LAMA2: variants seen among roughly 807,000 people sequenced by gnomAD.
The protein encoded by LAMA2 is laminin subunit alpha 2, also known as laminin subunit alpha-2.
LAMA2 carries 269 observed loss-of-function variants against 364.8 expected under a neutral mutation model. That is an observed-to-expected ratio of 0.74 (90% CI 0.67 to 0.82). The LOEUF (loss-of-function observed/expected upper bound fraction) is 0.82, where lower values mean the gene tolerates loss of function less well. Ranked by LOEUF, LAMA2 falls within the 40% of genes least tolerant of loss-of-function variation. The pLI is 0.00. For synonymous variants in LAMA2, 1,379 were observed against 1,370.6 expected (o/e 1.01, Z -0.14); for missense variants, 3,807 against 3,873.2 (o/e 0.98, Z 0.45).
At chr6:129,326,651 T>C (rs1775304369) in intron 28 of LAMA2, among the ~76,000 whole-genome samples, 1 of 149,118 alleles carries the variant, frequency 6.7e-6, no homozygotes, top group East Asian at 1.9e-4. Context: ...GTAACACACA[T>C]GCATGCACCT....
intron 3 of LAMA2, among the ~76,000 whole-genome samples, chr6:129,088,907 G>A (rs1181797239): frequency 2.6e-5 from 4 of 152,198 alleles, no homozygotes; most frequent in Admixed American, 6.5e-5. Flanking sequence ...CTTCCCAGAC[G>A]GGGTGGCGGC....
At chr6:129,258,366 T>C (rs1372690203) in intron 14 of LAMA2, among the ~76,000 whole-genome samples, 1 of 152,066 alleles carries the variant, frequency 6.6e-6, no homozygotes, top group African/African-American at 2.4e-5. Context: ...AACTGATGAA[T>C]GAATAAACAA....
In LAMA2 at chr6:129,391,518, A is replaced by G. The variant is rs1235384256; in HGVS notation, c.5099A>G (p.Asn1700Ser). 1.9e-6 allele frequency: 3 copies of G among 1,613,802 alleles called. No individual in the cohort carries two copies. Among genetic ancestry groups the G allele is most frequent in the Non-Finnish European group, 2.5e-6 (3 of 1,179,886 alleles). ...GTAAATGAAAAAGCTATAAAACTAA[A>G]TGAAACTCTAGGAACTCGAGACGAG... ...EAVNEKAIKL[N>S]ETLGTRDEAF... The change falls in exon 36 of 65, where the codon AAT becomes AGT. Residue 1700 changes from asparagine to serine, a missense_variant. Coordinates refer to ENST00000421865, the MANE Select transcript of LAMA2 (RefSeq NM_000426.4).
intron 1 of LAMA2, among the ~76,000 whole-genome samples, chr6:128,957,102 T>G (rs557714619): frequency 1.3e-5 from 2 of 152,290 alleles, no homozygotes; most frequent in South Asian, 4.1e-4. Context: ...TTTGCCTTTA[T>G]TCTGTCAATA....
At chr6:129,061,662 G>A (rs569927897) in intron 3 of LAMA2, among the ~76,000 whole-genome samples, 32 of 152,212 alleles carry the variant, frequency 2.1e-4, no homozygotes, top group South Asian at 4.2e-4. Flanking sequence ...TGGATTTGTC[G>A]TTCTGTTTTC....
At chr6:129,188,910 A>G (rs964270696) in intron 10 of LAMA2, among the ~76,000 whole-genome samples, 1 of 151,920 alleles carries the variant, frequency 6.6e-6, no homozygotes, top group African/African-American at 2.4e-5. Context: ...TATCATCCCT[A>G]TCTTCTGCTC....
intron 9 of LAMA2, among the ~76,000 whole-genome samples, chr6:129,169,999 C>A (rs1481905850): frequency 4.0e-5 from 6 of 149,772 alleles, no homozygotes; most frequent in African/African-American, 1.5e-4. Flanking sequence ...CTGTGGGATC[C>A]GTGGTGATAT....
chr6:129,072,412 C>T (rs374778196), intron 3 of LAMA2, among the ~76,000 whole-genome samples: 4 of 151,770 alleles, frequency 2.6e-5, no homozygotes, highest in East Asian at 3.9e-4. Context: ...TCTGTGTTTG[C>T]GTGATATAGG....
intron 1 of LAMA2, among the ~76,000 whole-genome samples, chr6:128,924,951 G>T (rs1295976362): frequency 6.6e-6 from 1 of 152,116 alleles, no homozygotes; most frequent in African/African-American, 2.4e-5. Flanking sequence ...TATTTCGGTT[G>T]TAAAAAATTC....
At chr6:129,131,108 A>G (rs1021371964) in intron 4 of LAMA2, among the ~76,000 whole-genome samples, 13 of 152,202 alleles carry the variant, frequency 8.5e-5, no homozygotes, top group African/African-American at 3.1e-4. Context: ...AATAATTGAA[A>G]ACAACCCTGA....
chr6:128,929,044 C>A, intron 1 of LAMA2: 1 of 1,441,280 alleles, frequency 6.9e-7, no homozygotes, highest in South Asian at 1.1e-5. Flanking sequence ...CAATGGTATC[C>A]TCTAGCTGTG....
At chr6:129,115,932 G>A (rs1776451892) in intron 4 of LAMA2, among the ~76,000 whole-genome samples, 1 of 152,116 alleles carries the variant, frequency 6.6e-6, no homozygotes, top group African/African-American at 2.4e-5. Context: ...GTTGCAGAAA[G>A]CAACTTACAA....
rs3062342 is a variant in LAMA2, at chr6:129,314,398, C to CAAAAAAAAAAAAAAAAAAAAAAAAAAAA, written c.3412-236_3412-235insAAAAAAAAAAAAAAAAAAAAAAAAAAAA. Among the ~76,000 whole-genome samples the CAAAAAAAAAAAAAAAAAAAAAAAAAAAA allele has an allele frequency of 3.2e-4, 26 of 81,866 alleles. 1 individual carries two copies. The highest frequency in any genetic ancestry group is 1.0e-3 in the South Asian group (2 of 1,942). The allele number at this position is 81,866 out of a possible 152,430, so 53.7% of individuals were successfully genotyped here. A position where few individuals can be genotyped will look rare whatever the true frequency, so the allele number is the denominator to read the frequency against. ...TGGGCGAAAGAGCGAGACTCCGTCT[C>CAAAAAAAAAAAAAAAAAAAAAAAAAAAA]AAAAAAAAAAAAAAAAAAAAAGTAC... On this transcript the variant is annotated intron_variant, in intron 23 of 64. Coordinates refer to ENST00000421865, the MANE Select transcript of LAMA2 (RefSeq NM_000426.4).
At chr6:129,187,655 T>C (rs899664255) in intron 10 of LAMA2, among the ~76,000 whole-genome samples, 1 of 151,850 alleles carries the variant, frequency 6.6e-6, no homozygotes, top group Non-Finnish European at 1.5e-5. Context: ...TGAGTATCCC[T>C]TATCCAAAAT....
Position 129,491,102 on chromosome 6 carries a change from A to G in LAMA2, c.7899-799A>G, listed in dbSNP as rs77811376. 6.5e-4 allele frequency: 99 copies of G among 152,300 alleles called. 2 individuals are homozygous for G. In the East Asian group the frequency reaches 8.9e-3, roughly 14 times the overall value. 9.4% of individuals were successfully genotyped at this position (152,300 alleles called of 1,614,324 possible). A position where few individuals can be genotyped will look rare whatever the true frequency, so the allele number is the denominator to read the frequency against. The stretch of plus-strand genomic sequence containing the variant: ...GAAGTAAGTTTTCAGTAATCCATTC[A>G]TGATCCCCAGGCTAGTGACTAATGC... On this transcript the variant is annotated intron_variant, in intron 56 of 64. Transcript: ENST00000421865.
chr6:129,155,302 A>T (rs1206555614), intron 8 of LAMA2, among the ~76,000 whole-genome samples: 1 of 152,154 alleles, frequency 6.6e-6, no homozygotes, highest in Non-Finnish European at 1.5e-5. Flanking sequence ...ACTTTATAAG[A>T]AACCGTCAAC....
rs753519539 is a variant in LAMA2 at position 129,248,144 on chromosome 6, C to T, written c.1783-1968C>T. Among the ~76,000 whole-genome samples the T allele has an allele frequency of 3.9e-5, 6 of 152,136 alleles. No homozygotes were observed. In the South Asian group the frequency reaches 6.2e-4, roughly 16 times the overall value. On this transcript the variant is annotated intron_variant, in intron 12 of 64. Coordinates refer to ENST00000421865, the MANE Select transcript of LAMA2 (RefSeq NM_000426.4). ...GGAGCAGGAACCTTATTGTGAACTG[C>T]GCATGCGAGGGATCTAGGCTGCACG...
At position 128,919,260 on chromosome 6, in the gene LAMA2, A is replaced by C. The variant is rs567353770; in HGVS notation, c.112+35903A>C. On this transcript the variant is annotated intron_variant, in intron 1 of 64. Coordinates refer to ENST00000421865, the MANE Select transcript of LAMA2 (RefSeq NM_000426.4). ...ATGTATTTATGTATGAGCCATATACAATCAACTGTTCTCTCAATATCAAGA... is the reference window on the plus strand; with the variant it reads ...ATGTATTTATGTATGAGCCATATACCATCAACTGTTCTCTCAATATCAAGA... Among the ~76,000 whole-genome samples, 4 of 152,336 alleles carry C rather than the reference A, an allele frequency of 2.6e-5. No homozygotes were observed. In the East Asian group the frequency reaches 7.7e-4, roughly 29 times the overall value.
At chr6:129,055,176 T>TTTATTATTATTATTTTTTATTATTATTA (rs1554207590) in intron 2 of LAMA2, among the ~76,000 whole-genome samples, 43 of 123,758 alleles carry the variant, frequency 3.5e-4, no homozygotes, top group African/African-American at 1.4e-3. Flanking sequence ...ATTATTATTA[T>TTTATTATTATTATTTTTTATTATTATTA]TTATTATTAT....
Sources: gnomAD v4.1 joint callset for allele counts (sites outside exome capture counted in the v4.1 genomes callset) on GRCh38, gnomAD v4.1.1 for gene constraint, MANE v1.5 for transcripts, NCBI Gene and HGNC (gene_info 2026-07-23, HGNC 2026-07-21) for gene names.